The following CDK7 variants were observed in gnomAD, a reference collection of about 807,000 sequenced individuals.
CDK7 encodes cyclin dependent kinase 7.
Under a neutral mutation model 49.1 loss-of-function variants are expected in CDK7, and 25 were observed. The observed-to-expected ratio is 0.51, with a 90% CI of 0.37 to 0.71. The LOEUF (loss-of-function observed/expected upper bound fraction) is 0.71. CDK7 is among the 30% of genes least tolerant of loss of function. The pLI is 0.00. For missense variants in CDK7, 316 were observed against 411.7 expected (o/e 0.77, Z 2.01); for synonymous variants, 107 against 140.0 (o/e 0.76, Z 1.67).
chr5:69,237,658 A>G (rs995373271), intron 2 of CDK7, among the ~76,000 whole-genome samples: 2 of 152,142 alleles, frequency 1.3e-5, no homozygotes, highest in Non-Finnish European at 2.9e-5. Context: ...TTAAAAATGT[A>G]TTGGCCTTTC....
intron 3 of CDK7, 93 bp from the exon 4 acceptor site, chr5:69,254,509 G>A (rs1027317709): frequency 3.4e-5 from 21 of 626,718 alleles, no homozygotes; most frequent in African/African-American, 3.2e-4. Context: ...GCGACAGAGC[G>A]AGACTCCATC....
chr5:69,262,890 TATA>T (rs1244036315), intron 8 of CDK7, among the ~76,000 whole-genome samples: 1 of 152,206 alleles, frequency 6.6e-6, no homozygotes, highest in Admixed American at 6.5e-5. Context: ...GCAGTATCTC[TATA>T]ACAACTAAAT....
intron 2 of CDK7, among the ~76,000 whole-genome samples, chr5:69,249,681 TACTAAAAA>T (rs1230965053): frequency 2.4e-4 from 36 of 152,168 alleles, no homozygotes; most frequent in Admixed American, 1.7e-3. Flanking sequence ...GCCTCGTCTC[TACTAAAAA>T]TACAAAATTA....
intron 2 of CDK7, among the ~76,000 whole-genome samples, chr5:69,248,805 T>TTTA (rs1749934161): frequency 1.4e-5 from 2 of 144,076 alleles, no homozygotes; most frequent in Non-Finnish European, 3.0e-5. Flanking sequence ...TTTTTTTCTT[T>TTTA]TTTTTTTTTT....
intron 2 of CDK7, among the ~76,000 whole-genome samples, chr5:69,240,818 G>A (rs1026640254): frequency 4.6e-5 from 7 of 152,138 alleles, no homozygotes; most frequent in Non-Finnish European, 7.4e-5. Flanking sequence ...TAGTAGAGAC[G>A]GGGTTTCCAT....
chr5:69,262,141 C>G, intron 7 of CDK7, 64 bp from the exon 8 acceptor site: 1 of 1,602,334 alleles, frequency 6.2e-7, no homozygotes, highest in African/African-American at 1.3e-5. Context: ...ATCGTTCATC[C>G]CTAGAGATAG....
At chr5:69,245,515 A>G (rs540414087) in intron 2 of CDK7, among the ~76,000 whole-genome samples, 1 of 151,126 alleles carries the variant, frequency 6.6e-6, no homozygotes, top group Admixed American at 6.6e-5. Flanking sequence ...TACTTTTTAT[A>G]TTTTTAGTAG....
chr5:69,276,495 A>G, intron 10 of CDK7, 48 bp from the exon 11 acceptor site: 1 of 1,567,140 alleles, frequency 6.4e-7, no homozygotes, highest in Non-Finnish European at 8.8e-7. Flanking sequence ...TCCTTAACAC[A>G]TTTCAGATAC....
chr5:69,240,149 C>T (rs1461809754), intron 2 of CDK7, among the ~76,000 whole-genome samples: 2 of 152,156 alleles, frequency 1.3e-5, no homozygotes, highest in African/African-American at 4.8e-5. Flanking sequence ...TTTCTGGGCA[C>T]ACTATTCTGT....
intron 9 of CDK7, among the ~76,000 whole-genome samples, chr5:69,272,616 A>T (rs899254112): frequency 6.6e-6 from 1 of 151,634 alleles, no homozygotes; most frequent in African/African-American, 2.4e-5. Context: ...TACATTTTTC[A>T]CCTGTTTCAT....
intron 6 of CDK7, among the ~76,000 whole-genome samples, chr5:69,258,876 G>T (rs1750651701): frequency 6.6e-6 from 1 of 152,120 alleles, no homozygotes; most frequent in Non-Finnish European, 1.5e-5. Flanking sequence ...AGGAGTTCTA[G>T]ACCAGCCTGG....
chr5:69,269,069 G>A (rs1281512315), intron 8 of CDK7, 138 bp from the exon 9 acceptor site: 1 of 571,846 alleles, frequency 1.7e-6, no homozygotes, highest in Non-Finnish European at 3.2e-6. Context: ...CTTGAAGTGA[G>A]GAGGAAGTTG....
intron 11 of CDK7, among the ~76,000 whole-genome samples, 164 bp downstream of exon 11, chr5:69,276,854 T>G (rs1424620046): frequency 6.6e-6 from 1 of 152,262 alleles, no homozygotes; most frequent in Non-Finnish European, 1.5e-5. Context: ...TTTAGGTATG[T>G]TTACTTTCAT....
chr5:69,277,193 G>T lies in CDK7; in HGVS notation c.*58G>T. 7.8e-7 allele frequency: 1 copy of T among 1,287,186 alleles called. No individual in the cohort carries two copies. Among genetic ancestry groups the T allele is most frequent in the Non-Finnish European group, 1.1e-6 (1 of 915,380 alleles). 79.7% of individuals were successfully genotyped at this position (1,287,186 alleles called of 1,614,324 possible). A position where few individuals can be genotyped will look rare whatever the true frequency, so the allele number is the denominator to read the frequency against. ...GAAATAGCCAAAAAGGCAAATAATG[G>T]AAAAATAGTAAACATTAAGTAAATG... is the stretch of plus-strand genomic sequence containing the variant. On this transcript the variant is annotated 3_prime_UTR_variant, in exon 12 of 12. Transcript: ENST00000256443.
At chr5:69,274,018 G>A (rs184046625) in intron 10 of CDK7, among the ~76,000 whole-genome samples, 50 of 152,130 alleles carry the variant, frequency 3.3e-4, no homozygotes, top group African/African-American at 1.2e-3. Context: ...ATGTCCATGT[G>A]TACACATACT....
chr5:69,240,844 C>T (rs987691501), intron 2 of CDK7, among the ~76,000 whole-genome samples: 4 of 152,136 alleles, frequency 2.6e-5, no homozygotes, highest in African/African-American at 9.7e-5. Flanking sequence ...CCAGGATGGT[C>T]TCTATCTCCT....
At chr5:69,238,905 A>G (rs1447452956) in intron 2 of CDK7, among the ~76,000 whole-genome samples, 4 of 152,054 alleles carry the variant, frequency 2.6e-5, no homozygotes, top group Non-Finnish European at 5.9e-5. Flanking sequence ...GAAATCCTCT[A>G]TATCGTATGA....
intron 2 of CDK7, among the ~76,000 whole-genome samples, chr5:69,248,536 G>A (rs939366727): frequency 6.6e-6 from 1 of 151,902 alleles, no homozygotes; most frequent in African/African-American, 2.4e-5. Flanking sequence ...TTATAGTCAT[G>A]TGCCACCACG....
At chr5:69,239,488 A>G (rs28654130) in intron 2 of CDK7, among the ~76,000 whole-genome samples, 148,676 of 152,246 alleles carry the variant, frequency 0.98, 72,619 homozygotes, top group East Asian at 1. Flanking sequence ...CCAGTCTGGT[A>G]TCAAACTCCT....
Sources: gnomAD v4.1 joint callset for allele counts (sites outside exome capture counted in the v4.1 genomes callset) on GRCh38, gnomAD v4.1.1 for gene constraint, MANE v1.5 for transcripts, NCBI Gene and HGNC (gene_info 2026-07-23, HGNC 2026-07-21) for gene names.